The following HOGA1 variants were observed in gnomAD, a reference collection of about 807,000 sequenced individuals.
The protein encoded by HOGA1 is 4-hydroxy-2-oxoglutarate aldolase 1.
HOGA1 carries 30 observed loss-of-function variants against 34.3 expected under a neutral mutation model. The observed-to-expected ratio is 0.87, with a 90% confidence interval of 0.65 to 1.19. The LOEUF (loss-of-function observed/expected upper bound fraction) is 1.19, where lower values mean the gene tolerates loss of function less well. Among genes scored for constraint, HOGA1 ranks in the 50% most tolerant of loss-of-function variants. HOGA1 has a pLI of 0.00. For missense variants in HOGA1, 417 were observed against 436.5 expected (o/e 0.96, Z 0.40); for synonymous variants, 161 against 174.0 (o/e 0.93, Z 0.59).
intron 6 of HOGA1, chr10:97,602,388 A>C: frequency 8.4e-7 from 1 of 1,193,088 alleles, no homozygotes; most frequent in Non-Finnish European, 1.1e-6. Context: ...GTCCTGAAAA[A>C]ATAGGAATGA....
chr10:97,585,044 T>C (rs763358492), intron 1 of HOGA1, 130 bp downstream of exon 1: 5 of 750,784 alleles, frequency 6.7e-6, no homozygotes, highest in Non-Finnish European at 1.1e-5. Context: ...CATTTTATTA[T>C]GGGAGAGGAA....
chr10:97,610,901 C>CT (rs1468901409), intron 6 of HOGA1, among the ~76,000 whole-genome samples: 2 of 152,170 alleles, frequency 1.3e-5, no homozygotes, highest in Non-Finnish European at 2.9e-5. Context: ...CAGCCCCTTC[C>CT]TTTTTTAGAC....
At chr10:97,602,070 C>T in intron 6 of HOGA1, 80 bp downstream of exon 6, 5 of 1,554,010 alleles carry the variant, frequency 3.2e-6, no homozygotes, top group Non-Finnish European at 4.4e-6. Flanking sequence ...CCAGGGCTGG[C>T]ACCAGGCCCC....
In HOGA1 at chr10:97,599,699, T is replaced by A; in HGVS notation, c.488T>A (p.Ile163Asn). 6 of 1,614,078 alleles carry A rather than the reference T, an allele frequency of 3.7e-6. No homozygotes were observed. Among genetic ancestry groups the A allele is most frequent in the Non-Finnish European group, 5.1e-6 (6 of 1,180,014 alleles). The change falls in exon 4 of 7, where the codon ATC (isoleucine) becomes AAC (asparagine). Residue 163 changes from isoleucine to asparagine, a missense_variant. Ile to Asn is a moderately radical substitution (Grantham distance 149). Coordinates refer to ENST00000370646, the MANE Select transcript of HOGA1 (RefSeq NM_138413.4). ...HYTKVADLSP[I>N]PVVLYSVPAN... Reference sequence around the variant, plus strand: ...CCCCAGGTTGCTGATCTCTCTCCAATCCCTGTGGTGCTGTACAGTGTCCCA... The same window carrying A: ...CCCCAGGTTGCTGATCTCTCTCCAAACCCTGTGGTGCTGTACAGTGTCCCA...
rs74340374 is a variant in HOGA1, at chr10:97,603,302, G to A, written c.834+1312G>A. 0.012 allele frequency among the ~76,000 whole-genome samples: 1,860 copies of A among 152,056 alleles called. 28 individuals are homozygous for A. The highest frequency in any genetic ancestry group is 0.055 in the East Asian group (285 of 5,154). On this transcript the variant is annotated intron_variant, in intron 6 of 6. Coordinates refer to ENST00000370646, the MANE Select transcript of HOGA1 (RefSeq NM_138413.4). This position sits in a 1 kb window ranked among gnomAD's most constrained non-coding sequence, Gnocchi z 4.5. ...TTATTTTTTTTATTTTCGAAACAGGGTCATTCTCTGTCACCCAGGCTAGAG... is the reference window on the plus strand; with the variant it reads ...TTATTTTTTTTATTTTCGAAACAGGATCATTCTCTGTCACCCAGGCTAGAG...
At chr10:97,598,732 C>G (rs372733263) in intron 1 of HOGA1, 43 bp from the exon 2 acceptor site, 1 of 1,613,194 alleles carries the variant, frequency 6.2e-7, no homozygotes, top group Middle Eastern at 1.6e-4. Context: ...CCTAGTTGTT[C>G]GGTAGAGGAT....
intron 1 of HOGA1, among the ~76,000 whole-genome samples, chr10:97,593,476 CAAAAAAAACATAAAAAA>C (rs2041044832): frequency 6.7e-6 from 1 of 150,194 alleles, no homozygotes; most frequent in African/African-American, 2.5e-5. Flanking sequence ...GACTCTGTCT[CAAAAAAAACATAAAAAA>C]GAAAAAAATA....
Position 97,590,115 on chromosome 10 carries a change from T to G in HOGA1, c.211+5201T>G, listed in dbSNP as rs761489569. ...GGGAGTGAAGAGGTCAGCTCCACGG[T>G]TCACATAGAGACCTTCACCACGAGG... On this transcript the variant is annotated intron_variant, in intron 1 of 6. Coordinates refer to ENST00000370646, the MANE Select transcript of HOGA1 (RefSeq NM_138413.4). 2.3e-5 allele frequency: 37 copies of G among 1,614,026 alleles called. No individual in the cohort carries two copies. In the Middle Eastern group the frequency reaches 4.9e-4, roughly 22 times the overall value.
rs1250045292 is a variant in HOGA1, at chr10:97,611,998, A to T, written c.*339A>T. The T allele has an allele frequency of 1.1e-5, 3 of 262,256 alleles. No homozygotes were observed. The highest frequency in any genetic ancestry group is 2.2e-5 in the Non-Finnish European group (3 of 136,844). The allele number at this position is 262,256 out of a possible 1,614,324, so 16.2% of individuals were successfully genotyped here. On this transcript the variant is annotated 3_prime_UTR_variant, in exon 7 of 7. Coordinates refer to ENST00000370646, the MANE Select transcript of HOGA1 (RefSeq NM_138413.4). ...AGGAAGGGCAGAGGGGCAAGTAGGC[A>T]CAGTAAGGGAATTTTCTTTTCTTTT...
rs2041138947 is a variant in HOGA1, at chr10:97,603,824, T to G, written c.834+1834T>G. ...ATCCACCCGCCTCGACCTCCCAAAGTGCTGGGATTACAGGCATGAGCCACT... is the reference window on the plus strand; with the variant it reads ...ATCCACCCGCCTCGACCTCCCAAAGGGCTGGGATTACAGGCATGAGCCACT... On this transcript the variant is annotated intron_variant, in intron 6 of 6. Coordinates refer to ENST00000370646, the MANE Select transcript of HOGA1 (RefSeq NM_138413.4). The surrounding 1 kb of genome is among the most constrained non-coding windows in gnomAD (Gnocchi z 4.5). Among the ~76,000 whole-genome samples the G allele has an allele frequency of 6.6e-6, 1 of 152,180 alleles. No homozygotes were observed. The highest frequency in any genetic ancestry group is 2.4e-5 in the African/African-American group (1 of 41,436).
intron 1 of HOGA1, among the ~76,000 whole-genome samples, chr10:97,586,136 CAAAA>C (rs574023517): frequency 7.3e-6 from 1 of 136,418 alleles, no homozygotes. Flanking sequence ...GACTCCATCT[CAAAA>C]AAAAAAAAAA....
At chr10:97,598,701 G>A (rs753300175) in intron 1 of HOGA1, 74 bp from the exon 2 acceptor site, 15 of 1,561,664 alleles carry the variant, frequency 9.6e-6, no homozygotes, top group East Asian at 6.7e-5. Context: ...TTATGGTGTC[G>A]TAAGGTAGGA....
chr10:97,605,280 C>T (rs186452213), intron 6 of HOGA1, among the ~76,000 whole-genome samples: 5 of 151,924 alleles, frequency 3.3e-5, no homozygotes, highest in Admixed American at 2.0e-4. Context: ...CGGTGGCATG[C>T]ACCTGTGGTC....
rs758795356 is a variant in HOGA1, at chr10:97,601,974, T to C, written c.818T>C (p.Ile273Thr). ...GCCCAGAAACTGCAGCACCGCCTCA[T>C]TGAGCCAAACGCTGCGGTGAGCCAG... ...EDAQKLQHRL[I>T]EPNAAVTRRF... The change falls in exon 6 of 7, where the codon ATT becomes ACT. Residue 273 changes from isoleucine to threonine, a missense_variant. Transcript: ENST00000370646. 1.6e-5 allele frequency: 25 copies of C among 1,612,542 alleles called. No homozygotes were observed. Among genetic ancestry groups the C allele is most frequent in the Non-Finnish European group, 1.9e-5 (23 of 1,179,658 alleles).
chr10:97,597,803 C>T (rs914484977), intron 1 of HOGA1, among the ~76,000 whole-genome samples: 9 of 152,038 alleles, frequency 5.9e-5, no homozygotes, highest in African/African-American at 2.2e-4. Context: ...AAAAAAACTA[C>T]ACAAATTAGT....
intron 1 of HOGA1, among the ~76,000 whole-genome samples, chr10:97,592,050 C>T (rs993928744): frequency 6.6e-6 from 1 of 151,524 alleles, no homozygotes; most frequent in African/African-American, 2.4e-5. Flanking sequence ...CCATGTTGCC[C>T]AGGCTGGATT....
Position 97,611,649 on chromosome 10 carries a change from G to A in HOGA1, c.974G>A (p.Gly325Asp). ...CTGCGCATGGATTTCACCAGCAACG[G>A]CTGGCTCTGAGGGCAGGCAGGGTCC... ...EALRMDFTSN[G>D]WL The change falls in exon 7 of 7, where the codon GGC (glycine) becomes GAC (aspartate). Residue 325 changes from glycine to aspartate, a missense_variant. Physicochemically the swap from Gly to Asp is moderately conservative, Grantham distance 94 (BLOSUM62 -1). Transcript: ENST00000370646. 7 of 1,613,124 alleles carry A rather than the reference G, an allele frequency of 4.3e-6. No individual in the cohort carries two copies. Among genetic ancestry groups the A allele is most frequent in the Non-Finnish European group, 4.2e-6 (5 of 1,179,934 alleles).
At chr10:97,599,324 T>G (rs1589908125) in intron 3 of HOGA1, 108 bp downstream of exon 3, 1 of 1,334,792 alleles carries the variant, frequency 7.5e-7, no homozygotes. Flanking sequence ...AGGAAACGGG[T>G]GGACTGCCAC....
intron 1 of HOGA1, chr10:97,590,033 A>G (rs2041005736): frequency 6.2e-7 from 1 of 1,614,060 alleles, no homozygotes; most frequent in African/African-American, 1.3e-5. Context: ...TTCCGAAGAG[A>G]AGCTGGCCCT....
Sources: gnomAD v4.1 joint callset for allele counts (sites outside exome capture counted in the v4.1 genomes callset) on GRCh38, gnomAD v4.1.1 for gene constraint, Gnocchi (gnomAD v3.1) non-coding constraint, MANE v1.5 for transcripts, NCBI Gene and HGNC (gene_info 2026-07-23, HGNC 2026-07-21) for gene names.